The following TRPV3 variants were observed in gnomAD, a reference collection of about 807,000 sequenced individuals.
TRPV3 encodes VRL-3.
TRPV3 carries 88 observed loss-of-function variants against 87.1 expected under a neutral mutation model. The ratio of observed to expected loss-of-function variants is 1.01; its 90% CI spans 0.85 to 1.21. The LOEUF is 1.21. Among genes scored for constraint, TRPV3 ranks in the 50% most tolerant of loss-of-function variants. The probability of loss-of-function intolerance (pLI) is 0.00; values close to 1 mark genes in which losing one functional copy is unlikely to be tolerated. For missense variants in TRPV3, 1,054 were observed against 1,030.1 expected, an observed-to-expected ratio of 1.02 and a Z score of -0.32; for synonymous variants, 438 against 423.3, an observed-to-expected ratio of 1.03 and a Z score of -0.43.
chr17:3,512,778 C>T lies in TRPV3; in HGVS notation c.*1139G>A, dbSNP rs995792719. ...AGTCTTGGCAAATGCTTTTCTCTCA[C>T]AAGCTTCCCCTTCAGCTTCAAAATT... On this transcript the variant is annotated 3_prime_UTR_variant, in exon 18 of 18. Transcript: ENST00000576742. The T allele has an allele frequency of 6.6e-6, 1 of 151,966 alleles. No individual in the cohort carries two copies. Among genetic ancestry groups the T allele is most frequent in the African/African-American group, 2.4e-5 (1 of 41,356 alleles). 9.4% of individuals were successfully genotyped at this position (151,966 alleles called of 1,614,324 possible). A position where few individuals can be genotyped will look rare whatever the true frequency, so the allele number is the denominator to read the frequency against.
At position 3,545,191 on chromosome 17, in the gene TRPV3, G is replaced by C. The variant is rs749239618; in HGVS notation, c.200C>G (p.Pro67Arg). The C allele has an allele frequency of 1.2e-6, 2 of 1,613,916 alleles. No homozygotes were observed. Among genetic ancestry groups the C allele is most frequent in the African/African-American group, 2.7e-5 (2 of 75,052 alleles). The change falls in exon 3 of 18, where the codon CCC becomes CGC. Residue 67 changes from proline (P) to arginine (R), a missense_variant. Transcript: ENST00000576742. ...CCACTGCCGGATGTTGGAATCCATG[G>C]GCTTGGAGAAGACAGGAGGAGAGGT... Reference protein sequence around the residue: ...AKTSPPVFSKPMDSNIRQCIS... With the variant: ...AKTSPPVFSKRMDSNIRQCIS...
Position 3,528,295 on chromosome 17 carries a change from A to G in TRPV3, c.1402-169T>C, listed in dbSNP as rs1025502186. 4.6e-5 allele frequency among the ~76,000 whole-genome samples: 7 copies of G among 152,090 alleles called. No individual in the cohort carries two copies. The East Asian group carries it at 5.8e-4, about 13-fold the overall frequency. On this transcript the variant is annotated intron_variant, in intron 10 of 17. Coordinates refer to ENST00000576742, the MANE Select transcript of TRPV3 (RefSeq NM_145068.4). The surrounding 1 kb of genome is among the most constrained non-coding windows in gnomAD (Gnocchi z 4.2). ...AAGGAAGAGCAGCTCCCTGACCCCA[A>G]CTCTCCTCACCCTTGATGGAAACCC...
intron 6 of TRPV3, among the ~76,000 whole-genome samples, chr17:3,539,237 A>G (rs1027773948): frequency 2.0e-5 from 3 of 152,170 alleles, no homozygotes; most frequent in African/African-American, 7.2e-5. Context: ...CTGTGTGCAC[A>G]TATACACACA....
intron 2 of TRPV3, among the ~76,000 whole-genome samples, chr17:3,549,695 G>A (rs564804399): frequency 6.9e-6 from 1 of 145,744 alleles, no homozygotes; most frequent in African/African-American, 2.5e-5. Context: ...TAGATGAGTG[G>A]ATGGATGATG....
In TRPV3 at chr17:3,545,174, G is replaced by C; in HGVS notation, c.217C>G (p.Arg73Gly). 3.1e-6 allele frequency: 5 copies of C among 1,613,526 alleles called. No individual in the cohort carries two copies. The highest frequency in any genetic ancestry group is 4.2e-6 in the Non-Finnish European group (5 of 1,179,570). Residue 73 changes from arginine to glycine, a missense_variant, in exon 3 of 18, where the codon CGG becomes GGG. Arg to Gly is a moderately radical substitution (Grantham distance 125). Transcript: ENST00000576742. ...GCTGGGGCCCGTACTCACCACTGCC[G>C]GATGTTGGAATCCATGGGCTTGGAG... ...VFSKPMDSNIRQCISGNCDDM... is the reference protein window; with the variant it reads ...VFSKPMDSNIGQCISGNCDDM...
intron 1 of TRPV3, among the ~76,000 whole-genome samples, chr17:3,555,340 T>A (rs2074617223): frequency 6.6e-6 from 1 of 152,214 alleles, no homozygotes. Context: ...AGTTTTGACC[T>A]CCACAGAGCA....
intron 1 of TRPV3, among the ~76,000 whole-genome samples, chr17:3,555,230 A>T (rs150952719): frequency 4.4e-4 from 67 of 152,236 alleles, no homozygotes; most frequent in Middle Eastern, 3.4e-3. Flanking sequence ...GTCCTCTCTC[A>T]TGACACCCTC....
rs773201514 is a variant in TRPV3, at chr17:3,535,593, T to C, written c.764A>G (p.Gln255Arg). 2 of 1,606,776 alleles carry C rather than the reference T, an allele frequency of 1.2e-6. No homozygotes were observed. Among genetic ancestry groups the C allele is most frequent in the Non-Finnish European group, 1.7e-6 (2 of 1,177,476 alleles). The change falls in exon 7 of 18, where the codon CAA becomes CGA. Residue 255 changes from glutamine to arginine, a missense_variant. Coordinates refer to ENST00000576742, the MANE Select transcript of TRPV3 (RefSeq NM_145068.4). ...AKGAFFNPKY[Q>R]HEGFYFGETP... ...CCCACCGAAGTAGAAGCCTTCGTGT[T>C]GGTACTTGGGGTTGAAGAAGGCCCC... is the stretch of plus-strand genomic sequence containing the variant.
rs1245289852 is a variant in TRPV3 at position 3,529,002 on chromosome 17, G to A, written c.1243-7C>T. ...TCAGCATCTCATGCCGGTTCTAGGG[G>A]TAGAATGCCACCAGTCACCATGGAG... On this transcript the variant is annotated splice_polypyrimidine_tract_variant and splice_region_variant and intron_variant, in intron 9 of 17. Transcript: ENST00000576742. 1 of 1,614,178 alleles carries A rather than the reference G, an allele frequency of 6.2e-7. No homozygotes were observed. Among genetic ancestry groups the A allele is most frequent in the South Asian group, 1.1e-5 (1 of 91,078 alleles).
Position 3,528,024 on chromosome 17 carries a change from C to T in TRPV3, c.1503+1G>A. ...CTGGAAGGGCCGGGTGGCCCACTTA[C>T]CTCTTTCACAGAGATGCACATGGCC... is the stretch of plus-strand genomic sequence containing the variant. On this transcript the variant is annotated splice_donor_variant, in intron 11 of 17. Coordinates refer to ENST00000576742, the MANE Select transcript of TRPV3 (RefSeq NM_145068.4). LOFTEE classifies it high-confidence loss of function. The surrounding 1 kb of genome is among the most constrained non-coding windows in gnomAD (Gnocchi z 4.2). 1 of 1,613,064 alleles carries T rather than the reference C, an allele frequency of 6.2e-7. No homozygotes were observed. Among genetic ancestry groups the T allele is most frequent in the South Asian group, 1.1e-5 (1 of 91,068 alleles).
At chr17:3,535,244 C>T (rs1238660497) in intron 7 of TRPV3, among the ~76,000 whole-genome samples, 1 of 32,078 alleles carries the variant, frequency 3.1e-5, no homozygotes, top group African/African-American at 9.8e-5. Context: ...CCCTCCCTCC[C>T]CCTCCTTACT....
chr17:3,524,490 CA>C, intron 12 of TRPV3, 127 bp from the exon 13 acceptor site: 1 of 1,153,562 alleles, frequency 8.7e-7, no homozygotes, highest in Non-Finnish European at 1.2e-6. Context: ...CTGAAGAGAC[CA>C]GAATCACGCT....
In TRPV3 at chr17:3,535,661, G is replaced by A; in HGVS notation, c.696C>T (p.Ala232=). ...AIERRQGDIA[A]LLIAAGADVN... ...CGTCGGCGCCGGCGGCGATGAGCAGGGCTGCGATGTCCCCCTGCCGCCGCT... is the reference window on the plus strand; with the variant it reads ...CGTCGGCGCCGGCGGCGATGAGCAGAGCTGCGATGTCCCCCTGCCGCCGCT... The change falls in exon 7 of 18, where the codon GCC becomes GCT. Residue 232 remains alanine, a synonymous_variant. Transcript: ENST00000576742. 6.2e-7 allele frequency: 1 copy of A among 1,602,914 alleles called. No individual in the cohort carries two copies. Among genetic ancestry groups the A allele is most frequent in the South Asian group, 1.1e-5 (1 of 89,902 alleles).
At chr17:3,549,274 T>C (rs1404314235) in intron 2 of TRPV3, among the ~76,000 whole-genome samples, 2 of 152,202 alleles carry the variant, frequency 1.3e-5, no homozygotes, top group Non-Finnish European at 2.9e-5. Context: ...GCATCTACAA[T>C]GTGCCAGGCA....
At chr17:3,519,778 ATGGATGGATAGC>A (rs1226774572) in intron 14 of TRPV3, among the ~76,000 whole-genome samples, 2 of 149,870 alleles carry the variant, frequency 1.3e-5, no homozygotes. Context: ...GGATGGATGG[ATGGATGGATAGC>A]TGGATGGATG....
Position 3,514,716 on chromosome 17 carries a change from CTGAG to C in TRPV3, c.2199-48_2199-45del, listed in dbSNP as rs1432240054. 2.1e-6 allele frequency: 3 copies of C among 1,461,274 alleles called. No homozygotes were observed. In the Admixed American group the frequency reaches 5.0e-5, roughly 24 times the overall value. 90.5% of individuals were successfully genotyped at this position (1,461,274 alleles called of 1,614,324 possible). ...TTCTTACTATTTCACCAGTGCCTCA[CTGAG>C]TACTAACAAATAGCCCTGCGTTTGG... On this transcript the variant is annotated intron_variant, in intron 16 of 17. Transcript: ENST00000576742.
chr17:3,524,641 T>C (rs2074278678), intron 12 of TRPV3, among the ~76,000 whole-genome samples: 1 of 151,656 alleles, frequency 6.6e-6, no homozygotes, highest in Non-Finnish European at 1.5e-5. Context: ...CCGCAGAAGA[T>C]TCTAGGGTAC....
intron 6 of TRPV3, among the ~76,000 whole-genome samples, chr17:3,540,169 A>G (rs1219533622): frequency 1.3e-5 from 2 of 152,244 alleles, no homozygotes; most frequent in African/African-American, 4.8e-5. Flanking sequence ...ATAGGGTGAC[A>G]GAAAGTGACT....
At chr17:3,525,221 T>C (rs1243940874) in intron 12 of TRPV3, among the ~76,000 whole-genome samples, 1 of 152,184 alleles carries the variant, frequency 6.6e-6, no homozygotes, top group South Asian at 2.1e-4. Context: ...GGTTTCACCA[T>C]GTTGGCCAGG....
Sources: allele counts gnomAD v4.1 joint callset (sites outside exome capture counted in the v4.1 genomes callset), GRCh38; gene constraint gnomAD v4.1.1; non-coding constraint Gnocchi (gnomAD v3.1); transcripts MANE v1.5; gene names NCBI Gene and HGNC (gene_info 2026-07-23, HGNC 2026-07-21).